MTMR4: variants seen among roughly 807,000 people sequenced by gnomAD.
MTMR4 encodes the protein myotubularin related protein 4.
Under a neutral mutation model 125.5 loss-of-function variants are expected in MTMR4, and 30 were observed. The ratio of observed to expected loss-of-function variants is 0.24; its 90% CI spans 0.18 to 0.32. The LOEUF is 0.32. Ranked by LOEUF, MTMR4 falls within the 10% of genes least tolerant of loss-of-function variation. The pLI is 1.00. For missense variants in MTMR4, 1,039 were observed against 1,511.5 expected, an observed-to-expected ratio of 0.69 and a Z score of 5.18; for synonymous variants, 498 against 564.5, an observed-to-expected ratio of 0.88 and a Z score of 1.67.
In MTMR4 at chr17:58,512,365, G is replaced by A. The variant is rs1975955527; in HGVS notation, c.252+25C>T. On this transcript the variant is annotated intron_variant, in intron 3 of 17. Transcript: ENST00000682306. This position sits in a 1 kb window ranked among gnomAD's most constrained non-coding sequence, Gnocchi z 4.1. ...ACTTCATAGGGATTCTAGCTTAGGG[G>A]TAGGAGAACAATACAGAAACTCACG... 6.5e-7 allele frequency: 1 copy of A among 1,536,166 alleles called. No individual in the cohort carries two copies. The highest frequency in any genetic ancestry group is 9.0e-7 in the Non-Finnish European group (1 of 1,109,004).
intron 10 of MTMR4, 21 bp downstream of exon 10, chr17:58,505,451 A>T (rs1358377740): frequency 6.4e-7 from 1 of 1,560,258 alleles, no homozygotes; most frequent in South Asian, 1.1e-5. Flanking sequence ...ACTGGAAGGA[A>T]TCCAAGTAGG....
intron 14 of MTMR4, among the ~76,000 whole-genome samples, chr17:58,503,309 T>C (rs1975688282): frequency 6.6e-6 from 1 of 152,142 alleles, no homozygotes; most frequent in South Asian, 2.1e-4. Flanking sequence ...CTACAAGTCT[T>C]GGCCAAGTTT....
In MTMR4 at chr17:58,495,719, T is replaced by A; in HGVS notation, c.2465A>T (p.Asp822Val). ...GTTGCAAACGGTGCTGAGGCTGTGA[T>A]CAAGAACACACTTGGAGGGCACACC... ...MLGVPSKCVL[D>V]HSLSTVCNPP... Residue 822 changes from aspartate (D) to valine (V), a missense_variant, in exon 15 of 18, where the codon GAT becomes GTT. Asp to Val is a radical substitution (Grantham distance 152). Transcript: ENST00000682306. 1 of 1,614,142 alleles carries A rather than the reference T, an allele frequency of 6.2e-7. No individual in the cohort carries two copies. Among genetic ancestry groups the A allele is most frequent in the Non-Finnish European group, 8.5e-7 (1 of 1,180,028 alleles).
chr17:58,503,924 C>T (rs754044095), intron 13 of MTMR4, 26 bp from the exon 14 acceptor site: 2 of 1,601,054 alleles, frequency 1.2e-6, no homozygotes. Context: ...AATACTAGTG[C>T]TTTGTCAAGA....
At chr17:58,511,639 A>G (rs771871378) in intron 3 of MTMR4, 128 bp from the exon 4 acceptor site, 22 of 707,632 alleles carry the variant, frequency 3.1e-5, no homozygotes, top group Non-Finnish European at 4.8e-5. Context: ...TCTGTTAAGC[A>G]CCTGGTAACT....
At position 58,512,885 on chromosome 17, in the gene MTMR4, G is replaced by A. The variant is rs768529591; in HGVS notation, c.102C>T (p.Pro34=). The A allele has an allele frequency of 1.9e-5, 31 of 1,612,442 alleles. No individual in the cohort carries two copies. Among genetic ancestry groups the A allele is most frequent in the Non-Finnish European group, 2.5e-5 (30 of 1,179,264 alleles). ...EYIQAKDLFP[P]KELVKEEENL... ...TCTCTTCCTCCTTCACTAGTTCCTTGGGGGGGAACAGATCCTTGGCTTGGA... is the reference window on the plus strand; with the variant it reads ...TCTCTTCCTCCTTCACTAGTTCCTTAGGGGGGAACAGATCCTTGGCTTGGA... The change falls in exon 2 of 18, where the codon CCC becomes CCT. Residue 34 remains proline, a synonymous_variant. Transcript: ENST00000682306. The surrounding 1 kb of genome is among the most constrained non-coding windows in gnomAD (Gnocchi z 4.1).
Position 58,489,936 on chromosome 17 carries a change from CTTG to C in MTMR4, c.*1724_*1726del, listed in dbSNP as rs1257571268. 1.3e-5 allele frequency: 2 copies of C among 152,546 alleles called. No homozygotes were observed. Among genetic ancestry groups the C allele is most frequent in the Non-Finnish European group, 2.9e-5 (2 of 68,030 alleles). The allele number at this position is 152,546 out of a possible 1,614,324, so 9.4% of individuals were successfully genotyped here. ...TTTATGTATCAGAAACAAGGAACAG[CTTG>C]TTACTTTTTCAATGATCTCAGGAAT... is the stretch of plus-strand genomic sequence containing the variant. On this transcript the variant is annotated 3_prime_UTR_variant, in exon 18 of 18. Coordinates refer to ENST00000682306, the MANE Select transcript of MTMR4 (RefSeq NM_001378067.1).
At chr17:58,496,654 T>C (rs1975474765) in intron 14 of MTMR4, among the ~76,000 whole-genome samples, 1 of 152,186 alleles carries the variant, frequency 6.6e-6, no homozygotes, top group Admixed American at 6.5e-5. Context: ...TGCCAATGCC[T>C]TCTGAATCTA....
chr17:58,499,009 G>A (rs1266815757), intron 14 of MTMR4, among the ~76,000 whole-genome samples: 1 of 152,044 alleles, frequency 6.6e-6, no homozygotes, highest in Non-Finnish European at 1.5e-5. Flanking sequence ...AGTGCTGGCT[G>A]GTCTCTGTGC....
intron 4 of MTMR4, among the ~76,000 whole-genome samples, chr17:58,510,105 T>C (rs1330039525): frequency 2.0e-5 from 3 of 152,192 alleles, no homozygotes; most frequent in African/African-American, 7.2e-5. Context: ...CCCCATTCTC[T>C]TTCATCTAGT....
chr17:58,506,832 G>T lies in MTMR4; in HGVS notation c.944C>A (p.Ala315Glu). 6.2e-7 allele frequency: 1 copy of T among 1,613,586 alleles called. No homozygotes were observed. Among genetic ancestry groups the T allele is most frequent in the Non-Finnish European group, 8.5e-7 (1 of 1,179,944 alleles). The part of the protein sequence containing the change: ...LTACSGVEST[A>E]APQKLLILDA... ...CAGGATCAGCAGCTTTTGAGGAGCT[G>T]CTGTGCTCTCCACTCCAGAGCACGC... Residue 315 changes from alanine (A) to glutamate (E), a missense_variant, in exon 9 of 18, where the codon GCA becomes GAA. Ala to Glu is a moderately radical substitution (Grantham distance 107). Around this residue, in one of 6 missense-constraint regions of MTMR4, gnomAD observed 49 missense variants for 68.4 expected, o/e 0.72. Coordinates refer to ENST00000682306, the MANE Select transcript of MTMR4 (RefSeq NM_001378067.1).
chr17:58,492,448 T>C, intron 17 of MTMR4, 63 bp downstream of exon 17: 2 of 1,431,174 alleles, frequency 1.4e-6, no homozygotes, highest in Non-Finnish European at 2.0e-6. Context: ...GCATTACAGG[T>C]GTGAGCCACT....
intron 14 of MTMR4, among the ~76,000 whole-genome samples, chr17:58,496,850 A>C (rs961087996): frequency 1.3e-5 from 2 of 152,222 alleles, no homozygotes; most frequent in African/African-American, 4.8e-5. Context: ...CAATGATGAT[A>C]ATAAATCATA....
At chr17:58,507,415 G>T (rs1567935209) in intron 7 of MTMR4, 96 bp from the exon 8 acceptor site, 2 of 1,074,428 alleles carry the variant, frequency 1.9e-6, no homozygotes, top group Non-Finnish European at 2.6e-6. Context: ...GCCAGCAGGG[G>T]CTACCAACTC....
At chr17:58,518,709 C>T (rs1429413524), upstream of MTMR4, among the ~76,000 whole-genome samples, 2 of 152,200 alleles carry the variant, frequency 1.3e-5, no homozygotes, top group East Asian at 3.9e-4. Flanking sequence ...GGCTTATCGC[C>T]CCTCCCTTTC....
In MTMR4 at chr17:58,504,160, A is replaced by G. The variant is rs745483455; in HGVS notation, c.1588T>C (p.Cys530Arg). Residue 530 changes from cysteine (C) to arginine (R), a missense_variant, in exon 13 of 18, where the codon TGT (cysteine) becomes CGT (arginine). Physicochemically the swap from Cys to Arg is radical, Grantham distance 180. Transcript: ENST00000682306. The surrounding 1 kb of genome is among the most constrained non-coding windows in gnomAD (Gnocchi z 7.1). ...TAGATGTTGCGCTTCTCTCGCTCACAGGGGTTGTTGGCCAGGAAGGTGCCG... is the reference window on the plus strand; with the variant it reads ...TAGATGTTGCGCTTCTCTCGCTCACGGGGGTTGTTGGCCAGGAAGGTGCCG... Reference protein sequence around the residue: ...LYGTFLANNPCEREKRNIYKR... With the variant: ...LYGTFLANNPREREKRNIYKR... The G allele has an allele frequency of 1.2e-6, 2 of 1,612,836 alleles. No homozygotes were observed. Among genetic ancestry groups the G allele is most frequent in the South Asian group, 1.1e-5 (1 of 90,928 alleles).
upstream of MTMR4, chr17:58,514,696 G>C: frequency 2.0e-6 from 2 of 980,018 alleles, no homozygotes; most frequent in Non-Finnish European, 2.4e-6. Context: ...GAGGCGGGGC[G>C]GCTCCGCGGG....
chr17:58,495,963 C>G lies in MTMR4; in HGVS notation c.2221G>C (p.Glu741Gln). 6.2e-7 allele frequency: 1 copy of G among 1,614,144 alleles called. No individual in the cohort carries two copies. The highest frequency in any genetic ancestry group is 1.7e-5 in the Admixed American group (1 of 60,012). ...GGGTCTGGAGCTGGTCCCTTAGTCT[C>G]TTCTAGGACTTTGATCTCAGGATCA... is the stretch of plus-strand genomic sequence containing the variant. ...TSDPEIKVLE[E>Q]TKGPAPDPSA... The change falls in exon 15 of 18, where the codon GAG becomes CAG. Residue 741 changes from glutamate to glutamine, a missense_variant. Transcript: ENST00000682306.
In MTMR4 at chr17:58,507,262, C is replaced by T; in HGVS notation, c.765G>A (p.Trp255Ter). ...ARCSQPEISWWGWRNADDEYL... is the reference protein window; with the variant it reads ...ARCSQPEISW The stretch of plus-strand genomic sequence containing the variant: ...ACTCATCATCAGCATTGCGCCAGCC[C>T]CACCAGCTGATCTCTGGCTGGCTGC... The change falls in exon 8 of 18, where the codon TGG (tryptophan) becomes TGA (stop). Residue 255 changes from tryptophan to a stop codon, truncating the protein, a stop_gained. Transcript: ENST00000682306. LOFTEE classifies it high-confidence loss of function. The T allele has an allele frequency of 6.2e-7, 1 of 1,614,138 alleles. No individual in the cohort carries two copies. The highest frequency in any genetic ancestry group is 8.5e-7 in the Non-Finnish European group (1 of 1,180,012).
Sources: allele counts gnomAD v4.1 joint callset (sites outside exome capture counted in the v4.1 genomes callset), GRCh38; gene constraint gnomAD v4.1.1; regional missense constraint gnomAD v4.1.1; non-coding constraint Gnocchi (gnomAD v3.1); transcripts MANE v1.5; gene names NCBI Gene and HGNC (gene_info 2026-07-23, HGNC 2026-07-21).